NEDD9: variants seen among roughly 807,000 people sequenced by gnomAD.
NEDD9 encodes the protein enhancer of filamentation 1.
Under a neutral mutation model 76.6 loss-of-function variants are expected in NEDD9, and 26 were observed. The observed-to-expected ratio is 0.34, with a 90% CI of 0.25 to 0.47. NEDD9 has a LOEUF of 0.47. NEDD9 is among the 20% of genes least tolerant of loss of function. The pLI, the probability that NEDD9 is intolerant of heterozygous loss-of-function variation, is 1.00. For synonymous variants in NEDD9, 392 were observed against 414.2 expected (o/e 0.95, Z 0.65); for missense variants, 937 against 1,058.5 (o/e 0.89, Z 1.59).
intron 3 of NEDD9, among the ~76,000 whole-genome samples, chr6:11,287,788 C>T (rs1360910323): frequency 4.6e-5 from 7 of 152,154 alleles, no homozygotes; most frequent in South Asian, 4.1e-4. Context: ...AAGGTTAAGA[C>T]GCTAACCCAT....
intron 1 of NEDD9, among the ~76,000 whole-genome samples, chr6:11,353,526 G>GCC (rs1404954212): frequency 1.3e-5 from 2 of 152,172 alleles, no homozygotes; most frequent in African/African-American, 4.8e-5. Flanking sequence ...AAAGAGCGTG[G>GCC]CCCTGCCAGC....
rs1362226707 is a variant in NEDD9 at position 11,290,559 on chromosome 6, T to C, written c.12+15433A>G. 2.6e-5 allele frequency among the ~76,000 whole-genome samples: 4 copies of C among 152,326 alleles called. No homozygotes were observed. In the East Asian group the frequency reaches 7.7e-4, roughly 29 times the overall value. On this transcript the variant is annotated intron_variant, in intron 3 of 3. Coordinates refer to the NEDD9 transcript ENST00000397378. ...GCTCCCAGACCAAGAGGCATTGCCC[T>C]GGAACTGCGGGTTTTGCAGCAGAGT...
chr6:11,193,311 A>T lies in NEDD9; in HGVS notation c.561+280T>A, dbSNP rs201214149. Among the ~76,000 whole-genome samples, 82 of 139,354 alleles carry T rather than the reference A, an allele frequency of 5.9e-4. 2 individuals are homozygous for T. In the East Asian group the frequency reaches 0.016, roughly 27 times the overall value. 91.4% of individuals were successfully genotyped at this position (139,354 alleles called of 152,430 possible). A position where few individuals can be genotyped will look rare whatever the true frequency, so the allele number is the denominator to read the frequency against. On this transcript the variant is annotated intron_variant, in intron 3 of 6. Transcript: ENST00000379446. ...GGGCAACAAAGTGAGATTCTGTCTT[A>T]AAAAAAAAAAAAAGAAAAAAGAAAA... is the stretch of plus-strand genomic sequence containing the variant.
intron 1 of NEDD9, among the ~76,000 whole-genome samples, chr6:11,343,799 C>G (rs1274819408): frequency 6.6e-6 from 1 of 152,126 alleles, no homozygotes; most frequent in Non-Finnish European, 1.5e-5. Context: ...ACTCAAGACA[C>G]CAGATTTTAG....
intron 1 of NEDD9, among the ~76,000 whole-genome samples, chr6:11,221,897 T>A (rs1363057529): frequency 6.6e-6 from 1 of 152,160 alleles, no homozygotes; most frequent in East Asian, 1.9e-4. Context: ...CCATCTGGAT[T>A]TCAGCCAGCA....
Position 11,262,817 on chromosome 6 carries a change from C to A in NEDD9, c.12+43175G>T, listed in dbSNP as rs1171825501. On this transcript the variant is annotated intron_variant, in intron 3 of 3. Coordinates refer to the NEDD9 transcript ENST00000397378. ...TTCATGGAATTCAGGTAAATTATGA[C>A]ATCTGCTTAATGTGAAAATCACAAA... 3.9e-5 allele frequency among the ~76,000 whole-genome samples: 6 copies of A among 152,246 alleles called. No homozygotes were observed. The South Asian group carries it at 1.2e-3, about 31-fold the overall frequency.
intron 3 of NEDD9, among the ~76,000 whole-genome samples, chr6:11,272,997 G>A (rs533752919): frequency 6.6e-6 from 1 of 151,816 alleles, no homozygotes; most frequent in Non-Finnish European, 1.5e-5. Flanking sequence ...CCAAAACACC[G>A]CCTCCCACAG....
intron 3 of NEDD9, among the ~76,000 whole-genome samples, chr6:11,249,502 C>T (rs55944368): frequency 0.12 from 18,853 of 152,052 alleles, 1,274 homozygotes; most frequent in African/African-American, 0.16. Flanking sequence ...GTGCCTCCTC[C>T]CTGAAAGGTG....
intron 1 of NEDD9, among the ~76,000 whole-genome samples, chr6:11,356,873 T>C (rs547750631): frequency 6.6e-6 from 1 of 152,316 alleles, no homozygotes; most frequent in East Asian, 1.9e-4. Context: ...CCTTCGCATG[T>C]AAGAAAAGTT....
intron 3 of NEDD9, among the ~76,000 whole-genome samples, chr6:11,273,796 G>A (rs916644496): frequency 1.3e-5 from 2 of 152,160 alleles, no homozygotes; most frequent in Non-Finnish European, 2.9e-5. Context: ...GTGTTCACCC[G>A]ACAGCAAGTG....
intron 3 of NEDD9, among the ~76,000 whole-genome samples, chr6:11,275,187 TA>T (rs905336073): frequency 2.6e-5 from 4 of 152,044 alleles, no homozygotes; most frequent in Non-Finnish European, 5.9e-5. Flanking sequence ...TTGCAGGCTG[TA>T]AAAAAGTGGA....
upstream of NEDD9, among the ~76,000 whole-genome samples, chr6:11,236,688 G>A (rs1427908121): frequency 6.6e-6 from 1 of 152,100 alleles, no homozygotes; most frequent in Non-Finnish European, 1.5e-5. The surrounding 1 kb of genome is among the most constrained non-coding windows in gnomAD (Gnocchi z 5.5). Flanking sequence ...CTCTTGGTCT[G>A]GTCTATTCTA....
chr6:11,209,297 A>G (rs1442320636), intron 2 of NEDD9, among the ~76,000 whole-genome samples: 2 of 152,242 alleles, frequency 1.3e-5, no homozygotes, highest in Non-Finnish European at 2.9e-5. Flanking sequence ...CGCCTAATGG[A>G]TAAAACGGCC....
chr6:11,332,819 T>G (rs974010230), intron 2 of NEDD9, among the ~76,000 whole-genome samples: 4 of 152,106 alleles, frequency 2.6e-5, no homozygotes, highest in Non-Finnish European at 5.9e-5. Flanking sequence ...GATGATTGAA[T>G]GGATGAGTTT....
intron 1 of NEDD9, among the ~76,000 whole-genome samples, chr6:11,364,780 A>C (rs1190536865): frequency 6.6e-6 from 1 of 152,168 alleles, no homozygotes; most frequent in Non-Finnish European, 1.5e-5. Context: ...TCGCCATCCC[A>C]CTAACAAGCA....
Position 11,213,140 on chromosome 6 carries a change from C to T in NEDD9, c.459+141G>A. Reference sequence around the variant, plus strand: ...TGGATGAATGGCAAAATCATGCAAACATGATGCCTGAGCTAAGGTATTGGT... The same window carrying T: ...TGGATGAATGGCAAAATCATGCAAATATGATGCCTGAGCTAAGGTATTGGT... On this transcript the variant is annotated intron_variant, in intron 2 of 6. Coordinates refer to ENST00000379446, the MANE Select transcript of NEDD9 (RefSeq NM_006403.4). The surrounding 1 kb of genome is among the most constrained non-coding windows in gnomAD (Gnocchi z 5.4). The T allele has an allele frequency of 1.3e-6, 1 of 789,906 alleles. No individual in the cohort carries two copies. Among genetic ancestry groups the T allele is most frequent in the Non-Finnish European group, 2.0e-6 (1 of 503,290 alleles). 48.9% of individuals were successfully genotyped at this position (789,906 alleles called of 1,614,324 possible). A position where few individuals can be genotyped will look rare whatever the true frequency, so the allele number is the denominator to read the frequency against.
exon 3 of NEDD9, chr6:11,306,108 A>G (rs2113421318): frequency 7.3e-7 from 1 of 1,364,984 alleles, no homozygotes; most frequent in Non-Finnish European, 1.0e-6. Flanking sequence ...TGAAGAACAT[A>G]TGATGTTTGC....
At chr6:11,218,146 T>C (rs1474307952) in intron 1 of NEDD9, among the ~76,000 whole-genome samples, 3 of 152,202 alleles carry the variant, frequency 2.0e-5, no homozygotes, top group African/African-American at 4.8e-5. Flanking sequence ...CAGTCCCTTA[T>C]ATCCAGTCTA....
At chr6:11,315,406 C>A (rs1277005924) in intron 2 of NEDD9, among the ~76,000 whole-genome samples, 3 of 152,228 alleles carry the variant, frequency 2.0e-5, no homozygotes, top group African/African-American at 7.2e-5. Flanking sequence ...GGGTCCCATG[C>A]AAGATTCTAA....
Sources: gnomAD v4.1 joint callset for allele counts (sites outside exome capture counted in the v4.1 genomes callset) on GRCh38, gnomAD v4.1.1 for gene constraint, Gnocchi (gnomAD v3.1) non-coding constraint, MANE v1.5 for transcripts, NCBI Gene and HGNC (gene_info 2026-07-23, HGNC 2026-07-21) for gene names.